The following CPT1A variants were observed in gnomAD, a reference collection of about 807,000 sequenced individuals.
CPT1A encodes the protein carnitine O-palmitoyltransferase 1, liver isoform.
Under a neutral mutation model 100.8 loss-of-function variants are expected in CPT1A, and 64 were observed. The observed-to-expected ratio is 0.63, with a 90% confidence interval of 0.52 to 0.78. CPT1A has a LOEUF of 0.78. Among genes scored for constraint, CPT1A ranks in the 30% least tolerant of loss-of-function variants. The pLI, the probability that CPT1A is intolerant of heterozygous loss-of-function variation, is 0.00. For missense variants in CPT1A, 802 were observed against 1,034.1 expected (o/e 0.78, Z 3.08); for synonymous variants, 363 against 396.0 (o/e 0.92, Z 0.99).
intron 14 of CPT1A, among the ~76,000 whole-genome samples, chr11:68,771,486 G>T (rs1854988533): frequency 6.6e-6 from 1 of 152,144 alleles, no homozygotes; most frequent in Non-Finnish European, 1.5e-5. Flanking sequence ...TCTGAGATGC[G>T]ATGCCTCTAT....
At chr11:68,760,144 C>T in intron 17 of CPT1A, 81 bp downstream of exon 17, 1 of 975,114 alleles carries the variant, frequency 1.0e-6, no homozygotes, top group South Asian at 1.4e-5. Flanking sequence ...GGGCACCCAG[C>T]ACGGAGATGG....
In CPT1A at chr11:68,754,910, T is replaced by A. The variant is rs1946663770; in HGVS notation, c.*2734A>T. ...GTAGTAGACTGGGGTTAATGTTTTA[T>A]TAATGATAACCTACATTCACACTGC... On this transcript the variant is annotated 3_prime_UTR_variant, in exon 19 of 19. Transcript: ENST00000265641. 2.6e-6 allele frequency: 2 copies of A among 774,834 alleles called. No individual in the cohort carries two copies. Among genetic ancestry groups the A allele is most frequent in the Admixed American group, 1.7e-5 (1 of 58,726 alleles). 48.0% of individuals were successfully genotyped at this position (774,834 alleles called of 1,614,324 possible). A position where few individuals can be genotyped will look rare whatever the true frequency, so the allele number is the denominator to read the frequency against.
In CPT1A at chr11:68,807,499, C is replaced by T. The variant is rs1309112630; in HGVS notation, c.421G>A (p.Gly141Ser). 5.0e-6 allele frequency: 8 copies of T among 1,614,018 alleles called. No homozygotes were observed. Among genetic ancestry groups the T allele is most frequent in the South Asian group, 1.1e-5 (1 of 91,072 alleles). The stretch of plus-strand genomic sequence containing the variant: ...ATCTTGGTGGCACGACTCATCTTGC[C>T]GTGCTCAGTGAACATCCACCCGTGG... ...SYHGWMFTEH[G>S]KMSRATKIWM... The change falls in exon 4 of 19, where the codon GGC (glycine) becomes AGC (serine). Residue 141 changes from glycine (G) to serine (S), a missense_variant. This residue lies in a region of CPT1A where 161 missense variants were observed against 183.7 expected (regional missense o/e 0.88). Transcript: ENST00000265641.
chr11:68,798,060 G>A (rs577662695), intron 6 of CPT1A, among the ~76,000 whole-genome samples: 17 of 152,324 alleles, frequency 1.1e-4, no homozygotes, highest in African/African-American at 4.1e-4. Flanking sequence ...AGGTCTGCCT[G>A]AAGAAGCCAC....
intron 14 of CPT1A, among the ~76,000 whole-genome samples, chr11:68,763,878 C>T (rs963570317): frequency 3.3e-5 from 5 of 151,980 alleles, no homozygotes; most frequent in Non-Finnish European, 7.4e-5. Context: ...GGGCTGAACC[C>T]GGGAGCCTCT....
At chr11:68,765,910 C>G (rs1335380010) in intron 14 of CPT1A, among the ~76,000 whole-genome samples, 1 of 151,188 alleles carries the variant, frequency 6.6e-6, no homozygotes, top group Non-Finnish European at 1.5e-5. Context: ...CTCACTCTGT[C>G]GCCCAGGCTG....
intron 11 of CPT1A, among the ~76,000 whole-genome samples, chr11:68,781,078 T>C: frequency 6.6e-6 from 1 of 152,176 alleles, no homozygotes; most frequent in East Asian, 1.9e-4. Flanking sequence ...GGCTCCACCC[T>C]GCAGGGGGCG....
At chr11:68,828,871 G>A (rs999322617) in intron 1 of CPT1A, among the ~76,000 whole-genome samples, 1 of 152,174 alleles carries the variant, frequency 6.6e-6, no homozygotes, top group African/African-American at 2.4e-5. Flanking sequence ...CACCAGGCAC[G>A]CAAGCTGGCC....
At chr11:68,773,555 T>G in intron 13 of CPT1A, 126 bp from the exon 14 acceptor site, 1 of 1,526,426 alleles carries the variant, frequency 6.6e-7, no homozygotes, top group South Asian at 1.2e-5. Context: ...TACACAAACG[T>G]TTTCCTGACC....
At chr11:68,798,411 C>T (rs538632666) in intron 6 of CPT1A, among the ~76,000 whole-genome samples, 1 of 152,334 alleles carries the variant, frequency 6.6e-6, no homozygotes. Context: ...CCACGTCTAG[C>T]GCCACCTGCT....
At chr11:68,758,337 CA>C (rs1263038296) in intron 18 of CPT1A, among the ~76,000 whole-genome samples, 1 of 152,204 alleles carries the variant, frequency 6.6e-6, no homozygotes, top group African/African-American at 2.4e-5. Context: ...CCTCTGTTAA[CA>C]GCGACAGTGG....
intron 14 of CPT1A, among the ~76,000 whole-genome samples, chr11:68,765,619 T>C (rs1159422660): frequency 6.6e-6 from 1 of 152,190 alleles, no homozygotes; most frequent in African/African-American, 2.4e-5. Context: ...AGGAGGCAAA[T>C]AACTGCTGCA....
chr11:68,811,050 G>A lies in CPT1A; in HGVS notation c.281+1387C>T, dbSNP rs146601444. Among the ~76,000 whole-genome samples the A allele has an allele frequency of 1.2e-3, 177 of 152,158 alleles. 2 individuals are homozygous for A. The highest frequency in any genetic ancestry group is 7.5e-3 in the East Asian group (39 of 5,180). On this transcript the variant is annotated intron_variant, in intron 3 of 18. Coordinates refer to ENST00000265641, the MANE Select transcript of CPT1A (RefSeq NM_001876.4). ...TTTCGTTTACGTCTCTTTTTCTGCC[G>A]GTTTATTTTCTTATTTCTTTCTGAT...
chr11:68,794,286 A>G lies in CPT1A; in HGVS notation c.879+518T>C, dbSNP rs188916296. 2.0e-5 allele frequency among the ~76,000 whole-genome samples: 3 copies of G among 152,250 alleles called. No homozygotes were observed. In the East Asian group the frequency reaches 5.8e-4, roughly 29 times the overall value. On this transcript the variant is annotated intron_variant, in intron 8 of 18. Transcript: ENST00000265641. ...GGGTCCAGGACCAGGTGGGAGGGAGAGATGACAAAGGGCAGAGGGGTTTTC... is the reference window on the plus strand; with the variant it reads ...GGGTCCAGGACCAGGTGGGAGGGAGGGATGACAAAGGGCAGAGGGGTTTTC...
intron 13 of CPT1A, chr11:68,773,777 G>A (rs968166832): frequency 6.0e-6 from 2 of 330,740 alleles, no homozygotes; most frequent in African/African-American, 4.3e-5. Flanking sequence ...GGGAAAGGCA[G>A]TCTCTCAGTA....
chr11:68,770,059 CAAA>C, intron 14 of CPT1A, among the ~76,000 whole-genome samples: 1 of 145,506 alleles, frequency 6.9e-6, no homozygotes, highest in East Asian at 2.0e-4. Context: ...GGCTCCGTCT[CAAA>C]AAAAAAAAAA....
At chr11:68,778,121 A>T (rs1440598958) in intron 12 of CPT1A, among the ~76,000 whole-genome samples, 5 of 152,104 alleles carry the variant, frequency 3.3e-5, no homozygotes, top group Non-Finnish European at 7.4e-5. Flanking sequence ...TCCTACATAG[A>T]AAACCTCCCT....
intron 1 of CPT1A, among the ~76,000 whole-genome samples, chr11:68,819,104 A>C (rs1285123566): frequency 6.6e-6 from 1 of 151,986 alleles, no homozygotes; most frequent in Non-Finnish European, 1.5e-5. Flanking sequence ...TTTGAGACGG[A>C]GTCTCACTCT....
At chr11:68,761,505 C>T (rs1566339650) in intron 16 of CPT1A, 30 bp downstream of exon 16, 1 of 1,611,592 alleles carries the variant, frequency 6.2e-7, no homozygotes, top group East Asian at 2.2e-5. Context: ...CTAGCCAATA[C>T]AACTGACGGA....
Sources: gnomAD v4.1 joint callset for allele counts (sites outside exome capture counted in the v4.1 genomes callset) on GRCh38, gnomAD v4.1.1 for gene constraint, gnomAD v4.1.1 regional missense constraint, MANE v1.5 for transcripts, NCBI Gene and HGNC (gene_info 2026-07-23, HGNC 2026-07-21) for gene names.